The following RBPJ variants were observed in gnomAD, a reference collection of about 807,000 sequenced individuals.
RBPJ encodes the protein recombining binding protein suppressor of hairless.
A neutral mutation model predicts 67.8 loss-of-function variants in RBPJ; 9 were observed. The ratio of observed to expected loss-of-function variants is 0.13; its 90% CI spans 0.08 to 0.23. The LOEUF is 0.23. Ranked by LOEUF, RBPJ falls within the 10% of genes least tolerant of loss-of-function variation. RBPJ has a pLI of 1.00. For synonymous variants in RBPJ, 198 were observed against 203.3 expected (o/e 0.97, Z 0.22); for missense variants, 305 against 595.6 (o/e 0.51, Z 5.08).
At chr4:26,374,758 G>A (rs991934771) in intron 1 of RBPJ, among the ~76,000 whole-genome samples, 37 of 152,186 alleles carry the variant, frequency 2.4e-4, no homozygotes, top group African/African-American at 8.9e-4. Flanking sequence ...GTGAGCCAGT[G>A]TGCCCGGCCC....
rs148484914 is a variant in RBPJ at position 26,220,028 on chromosome 4, C to T, written c.-167+56414C>T. 9.5e-3 allele frequency among the ~76,000 whole-genome samples: 1,448 copies of T among 152,124 alleles called. 29 individuals are homozygous for T. The highest frequency in any genetic ancestry group is 0.032 in the African/African-American group (1,343 of 41,482). On this transcript the variant is annotated intron_variant, in intron 1 of 4. Coordinates refer to the RBPJ transcript ENST00000512351. ...TCTATCTGGTGACCTCGTGATCAGC[C>T]CGCCTTGGCCTCCCGAAGTGCTGGG...
At chr4:26,280,767 C>A (rs144477106) in intron 1 of RBPJ, among the ~76,000 whole-genome samples, 3,937 of 152,150 alleles carry the variant, frequency 0.026, 101 homozygotes, top group Middle Eastern at 0.092. Context: ...GCAAATACAG[C>A]TGCATTAAAA....
chr4:26,295,798 G>A (rs1484399042), intron 1 of RBPJ, among the ~76,000 whole-genome samples: 1 of 152,136 alleles, frequency 6.6e-6, no homozygotes, highest in Non-Finnish European at 1.5e-5. Context: ...TATGATTCAA[G>A]GATGTTTAGG....
chr4:26,389,719 A>AT (rs1298582624), intron 2 of RBPJ, among the ~76,000 whole-genome samples: 3 of 151,994 alleles, frequency 2.0e-5, no homozygotes, highest in Non-Finnish European at 2.9e-5. Context: ...AATGCACACA[A>AT]TTTCTTGAAA....
chr4:26,159,497 C>A (rs1008127059), upstream of RBPJ, among the ~76,000 whole-genome samples: 1 of 152,176 alleles, frequency 6.6e-6, no homozygotes, highest in Non-Finnish European at 1.5e-5. Context: ...TCCCAAAGAA[C>A]AACTATGTGT....
intron 1 of RBPJ, among the ~76,000 whole-genome samples, chr4:26,201,309 A>G (rs1560208131): frequency 1.3e-5 from 2 of 152,166 alleles, no homozygotes. Context: ...CGGAAAAAGG[A>G]TGGTGTAACT....
upstream of RBPJ, among the ~76,000 whole-genome samples, chr4:26,160,600 A>T (rs1333275889): frequency 1.3e-5 from 2 of 152,254 alleles, no homozygotes; most frequent in African/African-American, 4.8e-5. Context: ...GTTCTTGTAC[A>T]TGTCCACGGC....
At chr4:26,380,858 A>T (rs1472742960) in intron 1 of RBPJ, among the ~76,000 whole-genome samples, 1 of 151,888 alleles carries the variant, frequency 6.6e-6, no homozygotes, top group Non-Finnish European at 1.5e-5. Flanking sequence ...TGTGTTAAAT[A>T]GAAGATTTGT....
At chr4:26,361,014 GT>G (rs1228030209) in intron 1 of RBPJ, among the ~76,000 whole-genome samples, 1 of 150,468 alleles carries the variant, frequency 6.6e-6, no homozygotes, top group Non-Finnish European at 1.5e-5. Context: ...GAGGAGCAGA[GT>G]GTAGGAAACA....
At chr4:26,237,253 A>G (rs1181741914) in intron 1 of RBPJ, among the ~76,000 whole-genome samples, 1 of 152,152 alleles carries the variant, frequency 6.6e-6, no homozygotes, top group Non-Finnish European at 1.5e-5. Context: ...CTGTATTCTT[A>G]TCTGTGTGTG....
chr4:26,228,118 G>A (rs1577494520), intron 1 of RBPJ, among the ~76,000 whole-genome samples: 2 of 152,210 alleles, frequency 1.3e-5, no homozygotes, highest in South Asian at 4.1e-4. Flanking sequence ...CTGGAAGGGA[G>A]GTCTGGACAT....
intron 1 of RBPJ, among the ~76,000 whole-genome samples, chr4:26,192,930 AC>A (rs1455988066): frequency 6.6e-6 from 1 of 152,178 alleles, no homozygotes; most frequent in African/African-American, 2.4e-5. Context: ...CCTGGATTCT[AC>A]AAGGGTCCTT....
the RBPJ span, among the ~76,000 whole-genome samples, chr4:26,127,329 A>T: frequency 6.6e-6 from 1 of 152,200 alleles, no homozygotes; most frequent in African/African-American, 2.4e-5. Context: ...CAAATCACTG[A>T]CAGTGAGAAT....
chr4:26,168,627 T>C (rs1352431893), intron 1 of RBPJ, among the ~76,000 whole-genome samples: 6 of 152,232 alleles, frequency 3.9e-5, no homozygotes, highest in African/African-American at 1.2e-4. Flanking sequence ...CCTGCCTTGC[T>C]AGATTGGGGA....
chr4:26,114,039 T>C, the RBPJ span, among the ~76,000 whole-genome samples: 3 of 152,236 alleles, frequency 2.0e-5, no homozygotes, highest in Non-Finnish European at 2.9e-5. Context: ...ATCTAAAATT[T>C]ATGTTGTTTA....
At chr4:26,273,813 T>C (rs1259230323) in intron 1 of RBPJ, among the ~76,000 whole-genome samples, 1 of 152,216 alleles carries the variant, frequency 6.6e-6, no homozygotes, top group Non-Finnish European at 1.5e-5. Context: ...GTGCTTGGTA[T>C]GCCAACGGTT....
At chr4:26,320,751 C>G, upstream of RBPJ, 1 of 1,552,964 alleles carries the variant, frequency 6.4e-7, no homozygotes, top group Non-Finnish European at 8.7e-7. Context: ...AACCGGAGCG[C>G]TCCCCATGGA....
the RBPJ span, among the ~76,000 whole-genome samples, chr4:26,119,961 A>C: frequency 6.6e-6 from 1 of 152,354 alleles, no homozygotes; most frequent in Non-Finnish European, 1.5e-5. Flanking sequence ...TGAGGCAAAG[A>C]CATCCACTTT....
chr4:26,208,962 G>T (rs932048996), intron 1 of RBPJ, among the ~76,000 whole-genome samples: 2 of 151,996 alleles, frequency 1.3e-5, no homozygotes, highest in Non-Finnish European at 2.9e-5. Flanking sequence ...TGAATTCTCA[G>T]TAGCTTCTGC....
Sources: allele counts gnomAD v4.1 joint callset (sites outside exome capture counted in the v4.1 genomes callset), GRCh38; gene constraint gnomAD v4.1.1; transcripts MANE v1.5; gene names NCBI Gene and HGNC (gene_info 2026-07-23, HGNC 2026-07-21).